Variants in MGAT5 observed in about 807,000 individuals in gnomAD.
MGAT5 encodes the protein alpha-1,6-mannosylglycoprotein 6-beta-N-acetylglucosaminyltransferase.
In MGAT5, 30 loss-of-function variants were observed where a neutral mutation model predicts 94.3. That is an observed-to-expected ratio of 0.32 (90% CI 0.24 to 0.43). The LOEUF (loss-of-function observed/expected upper bound fraction) is 0.43. Among genes scored for constraint, MGAT5 ranks in the 20% least tolerant of loss-of-function variants. MGAT5 has a pLI of 1.00. For missense variants in MGAT5, 691 were observed against 905.5 expected (o/e 0.76, Z 3.04); for synonymous variants, 310 against 322.9 (o/e 0.96, Z 0.43).
chr2:134,451,314 C>G lies in MGAT5; in HGVS notation c.*2467C>G, dbSNP rs529810196. 6.0e-4 allele frequency: 92 copies of G among 152,400 alleles called. 1 individual carries two copies. Among genetic ancestry groups the G allele is most frequent in the African/African-American group, 2.0e-3 (84 of 41,582 alleles). 9.4% of individuals were successfully genotyped at this position (152,400 alleles called of 1,614,324 possible). ...TTAAAAATCCCTCTTTCATCCCCCC[C>G]AGTCCAGTATTGAGTGGAAGTGCGC... On this transcript the variant is annotated 3_prime_UTR_variant, in exon 16 of 16. Coordinates refer to ENST00000281923, the MANE Select transcript of MGAT5 (RefSeq NM_002410.5).
At chr2:134,208,589 T>G (rs1474533788) in intron 1 of MGAT5, among the ~76,000 whole-genome samples, 3 of 152,182 alleles carry the variant, frequency 2.0e-5, no homozygotes, top group African/African-American at 7.2e-5. Context: ...AAACATGCAT[T>G]TATTTACTAT....
At chr2:134,380,434 C>G (rs1027010678) in intron 10 of MGAT5, among the ~76,000 whole-genome samples, 8 of 152,192 alleles carry the variant, frequency 5.3e-5, no homozygotes, top group Non-Finnish European at 1.2e-4. Flanking sequence ...CAAGTGCACC[C>G]TTTCTGGCCT....
At chr2:134,401,138 T>G (rs1683026674) in intron 10 of MGAT5, among the ~76,000 whole-genome samples, 1 of 152,094 alleles carries the variant, frequency 6.6e-6, no homozygotes, top group Admixed American at 6.5e-5. Context: ...GATGTTTTGG[T>G]TGTAGTCATG....
chr2:134,135,690 CAAAAAAAA>C (rs59026836), intron 1 of MGAT5, among the ~76,000 whole-genome samples: 30 of 41,706 alleles, frequency 7.2e-4, no homozygotes, highest in South Asian at 5.8e-3. Flanking sequence ...GACTCCATCT[CAAAAAAAA>C]AAAAAAAAAA....
chr2:134,154,366 C>A (rs1469563348), intron 1 of MGAT5, among the ~76,000 whole-genome samples: 2 of 152,186 alleles, frequency 1.3e-5, no homozygotes, highest in Middle Eastern at 3.2e-3. Context: ...CTGCTCCCAC[C>A]CACTCCTCCC....
At chr2:134,311,649 A>G (rs1414950896) in intron 2 of MGAT5, among the ~76,000 whole-genome samples, 1 of 152,160 alleles carries the variant, frequency 6.6e-6, no homozygotes, top group Non-Finnish European at 1.5e-5. Flanking sequence ...CATTGGCAGA[A>G]GTGAGATTAG....
intron 14 of MGAT5, among the ~76,000 whole-genome samples, chr2:134,437,424 T>C (rs1231690461): frequency 1.3e-5 from 2 of 152,168 alleles, no homozygotes; most frequent in African/African-American, 2.4e-5. Context: ...GTAGATGTCA[T>C]GTAAGTAGAG....
intron 1 of MGAT5, among the ~76,000 whole-genome samples, chr2:134,165,184 C>T (rs370150335): frequency 1.3e-5 from 2 of 152,168 alleles, no homozygotes; most frequent in East Asian, 1.9e-4. Flanking sequence ...AATAACCACA[C>T]GTCATAAGTG....
In MGAT5 at chr2:134,448,775, C is replaced by T. The variant is rs751276562; in HGVS notation, c.2154C>T (p.Pro718=). ...TCTTCAGCTGTGCAGGCGCCCACCC[C>T]AGGCACCAGAGGGTCTGCCCCTGCC... ...LLLFSCAGAH[P]RHQRVCPCRD... The change falls in exon 16 of 16, where the codon CCC becomes CCT. Residue 718 remains proline, a synonymous_variant. Transcript: ENST00000281923. 68 of 1,614,108 alleles carry T rather than the reference C, an allele frequency of 4.2e-5. No homozygotes were observed. Among genetic ancestry groups the T allele is most frequent in the Non-Finnish European group, 5.1e-5 (60 of 1,180,050 alleles).
chr2:134,183,810 G>T (rs759944758), intron 1 of MGAT5, among the ~76,000 whole-genome samples: 3 of 152,240 alleles, frequency 2.0e-5, no homozygotes, highest in Middle Eastern at 3.2e-3. Context: ...GAGCAAGGCG[G>T]CCAAGTTTGG....
At chr2:134,121,034 C>T (rs921676608) in intron 1 of MGAT5, among the ~76,000 whole-genome samples, 1 of 152,126 alleles carries the variant, frequency 6.6e-6, no homozygotes, top group Non-Finnish European at 1.5e-5. Context: ...TGGGAACTTC[C>T]TGCCGAGTCG....
intron 8 of MGAT5, among the ~76,000 whole-genome samples, chr2:134,346,189 T>C (rs990371055): frequency 5.9e-5 from 9 of 152,194 alleles, no homozygotes; most frequent in African/African-American, 2.2e-4. Flanking sequence ...ATCTACACGG[T>C]ATAGGCTTCC....
chr2:134,414,562 G>A (rs1683861941), intron 12 of MGAT5, among the ~76,000 whole-genome samples: 1 of 152,124 alleles, frequency 6.6e-6, no homozygotes, highest in Non-Finnish European at 1.5e-5. Flanking sequence ...TTGTGAGATA[G>A]TCATTACAAT....
At chr2:134,122,466 G>T (rs986894560) in intron 1 of MGAT5, among the ~76,000 whole-genome samples, 11 of 151,978 alleles carry the variant, frequency 7.2e-5, no homozygotes, top group Admixed American at 6.6e-4. Flanking sequence ...TTTTTCTCTT[G>T]CCCTCCTCCA....
intron 4 of MGAT5, among the ~76,000 whole-genome samples, chr2:134,323,752 C>A (rs1687471339): frequency 6.6e-6 from 1 of 152,044 alleles, no homozygotes; most frequent in African/African-American, 2.4e-5. Flanking sequence ...AATTTCGATA[C>A]CCTACGCCTC....
intron 15 of MGAT5, among the ~76,000 whole-genome samples, chr2:134,446,473 G>A (rs1167685041): frequency 6.6e-6 from 1 of 152,052 alleles, no homozygotes; most frequent in Non-Finnish European, 1.5e-5. Flanking sequence ...TGTATCCCAA[G>A]GTCATGTTCC....
intron 10 of MGAT5, among the ~76,000 whole-genome samples, chr2:134,390,720 G>A (rs771094305): frequency 6.6e-6 from 1 of 152,124 alleles, no homozygotes; most frequent in Non-Finnish European, 1.5e-5. Context: ...TATTCTGTCT[G>A]AAAACACTTC....
chr2:134,185,889 G>A (rs933889602), intron 1 of MGAT5, among the ~76,000 whole-genome samples: 3 of 152,168 alleles, frequency 2.0e-5, no homozygotes, highest in African/African-American at 7.2e-5. Flanking sequence ...CTGTTTCCCC[G>A]AGTCCAATTG....
chr2:134,136,173 C>T (rs1686399817), intron 1 of MGAT5, among the ~76,000 whole-genome samples: 3 of 152,170 alleles, frequency 2.0e-5, no homozygotes, highest in Admixed American at 1.3e-4. Context: ...CAGTATTCAT[C>T]ACCACTTTGA....
Sources: gnomAD v4.1 joint callset for allele counts (sites outside exome capture counted in the v4.1 genomes callset) on GRCh38, gnomAD v4.1.1 for gene constraint, MANE v1.5 for transcripts, NCBI Gene and HGNC (gene_info 2026-07-23, HGNC 2026-07-21) for gene names.